The following PIBF1 variants were observed in gnomAD, a reference collection of about 807,000 sequenced individuals.
PIBF1 encodes progesterone-induced-blocking factor 1.
PIBF1 carries 90 observed loss-of-function variants against 112.5 expected under a neutral mutation model. The ratio of observed to expected loss-of-function variants is 0.80; its 90% CI spans 0.67 to 0.95. The LOEUF (loss-of-function observed/expected upper bound fraction) is 0.95. PIBF1 is among the 40% of genes least tolerant of loss of function. The pLI is 0.00. For synonymous variants in PIBF1, 301 were observed against 288.6 expected, an observed-to-expected ratio of 1.04 and a Z score of -0.44; for missense variants, 915 against 852.3, an observed-to-expected ratio of 1.07 and a Z score of -0.92.
At chr13:72,828,565 T>C (rs1391585822) in intron 8 of PIBF1, among the ~76,000 whole-genome samples, 1 of 152,168 alleles carries the variant, frequency 6.6e-6, no homozygotes, top group African/African-American at 2.4e-5. Flanking sequence ...CTGAGAATGA[T>C]GGTTTCCAGC....
intron 17 of PIBF1, among the ~76,000 whole-genome samples, chr13:73,005,751 A>G (rs1386296825): frequency 1.3e-5 from 2 of 152,096 alleles, no homozygotes; most frequent in Non-Finnish European, 2.9e-5. Context: ...CATTTTTTAT[A>G]ACACACATGG....
At chr13:72,856,298 A>G (rs2038419727) in intron 10 of PIBF1, among the ~76,000 whole-genome samples, 1 of 152,158 alleles carries the variant, frequency 6.6e-6, no homozygotes, top group South Asian at 2.1e-4. Flanking sequence ...TCACAAGTTG[A>G]TATCTTTCCA....
chr13:72,823,483 C>T (rs914688827), intron 6 of PIBF1, among the ~76,000 whole-genome samples: 1 of 152,038 alleles, frequency 6.6e-6, no homozygotes, highest in African/African-American at 2.4e-5. Context: ...AACTATGACC[C>T]TTTTTAGTTC....
chr13:72,893,957 T>G lies in PIBF1; in HGVS notation c.1488+8T>G. The G allele has an allele frequency of 6.6e-7, 1 of 1,506,870 alleles. No individual in the cohort carries two copies. The highest frequency in any genetic ancestry group is 8.9e-7 in the Non-Finnish European group (1 of 1,121,124). The allele number at this position is 1,506,870 out of a possible 1,614,324, so 93.3% of individuals were successfully genotyped here. ...TATCAGAAAAAATTGGAGGTACATG[T>G]ACAAGCTTTTCTTTCAACATTAGCA... On this transcript the variant is annotated splice_region_variant and intron_variant, in intron 11 of 17. Coordinates refer to ENST00000326291, the MANE Select transcript of PIBF1 (RefSeq NM_006346.4).
intron 17 of PIBF1, among the ~76,000 whole-genome samples, chr13:73,013,466 C>T (rs539287193): frequency 1.8e-4 from 27 of 151,206 alleles, no homozygotes; most frequent in Admixed American, 4.6e-4. Flanking sequence ...AAACAAAAAA[C>T]GAAAAACTAT....
chr13:72,866,317 G>C lies in PIBF1; in HGVS notation c.1322+12162G>C, dbSNP rs984246149. ...GGACATGGACTTCTCTTTTTTGGCA[G>C]GGTTGGGGGCACCATTCAACCTACC... On this transcript the variant is annotated intron_variant, in intron 10 of 17. Coordinates refer to ENST00000326291, the MANE Select transcript of PIBF1 (RefSeq NM_006346.4). 7.5e-4 allele frequency among the ~76,000 whole-genome samples: 114 copies of C among 152,166 alleles called. 2 individuals are homozygous for C. Among genetic ancestry groups the C allele is most frequent in the African/African-American group, 2.5e-3 (104 of 41,512 alleles).
At chr13:72,784,576 T>C (rs568119564) in intron 2 of PIBF1, among the ~76,000 whole-genome samples, 1 of 152,026 alleles carries the variant, frequency 6.6e-6, no homozygotes, top group African/African-American at 2.4e-5. Context: ...CTGAGCAACA[T>C]GGTGAGACCA....
chr13:72,790,524 TA>T (rs1485786526), intron 2 of PIBF1, among the ~76,000 whole-genome samples: 18 of 112,168 alleles, frequency 1.6e-4, no homozygotes, highest in African/African-American at 5.3e-4. Flanking sequence ...GATAGATAGA[TA>T]GATAGATAGA....
At chr13:72,990,722 C>T (rs1221478656) in intron 16 of PIBF1, among the ~76,000 whole-genome samples, 7 of 150,870 alleles carry the variant, frequency 4.6e-5, no homozygotes, top group African/African-American at 1.7e-4. Flanking sequence ...GTGGCACATG[C>T]CTGTAATCCC....
chr13:72,927,800 TAATA>T lies in PIBF1; in HGVS notation c.1731-3361_1731-3358del, dbSNP rs993149767. 2.0e-4 allele frequency among the ~76,000 whole-genome samples: 30 copies of T among 150,842 alleles called. No homozygotes were observed. The Middle Eastern group carries it at 0.01, about 52-fold the overall frequency. ...TCTTATATCCTTAATAATACAATCTTAATAAATCTGAGTATAATCTTTTAATGAA... is the reference window on the plus strand; with the variant it reads ...TCTTATATCCTTAATAATACAATCTTAATCTGAGTATAATCTTTTAATGAA... On this transcript the variant is annotated intron_variant, in intron 13 of 17. Transcript: ENST00000326291.
chr13:72,918,356 AAAGTTCTTCGAGGT>A (rs2041171260), intron 13 of PIBF1, among the ~76,000 whole-genome samples: 1 of 150,942 alleles, frequency 6.6e-6, no homozygotes, highest in South Asian at 2.1e-4. Context: ...ATCTAGATGG[AAAGTTCTTCGAGGT>A]CAGCAACTAC....
At chr13:72,958,370 A>G (rs1183025684) in intron 14 of PIBF1, among the ~76,000 whole-genome samples, 1 of 150,598 alleles carries the variant, frequency 6.6e-6, no homozygotes, top group East Asian at 2.0e-4. Flanking sequence ...GTAATGTTCT[A>G]TAGTTCTATC....
intron 2 of PIBF1, among the ~76,000 whole-genome samples, chr13:72,786,511 A>G (rs1475911701): frequency 1.3e-5 from 2 of 152,078 alleles, no homozygotes; most frequent in South Asian, 2.1e-4. Flanking sequence ...CTGTTTTTGA[A>G]GTTATCTATT....
intron 1 of PIBF1, among the ~76,000 whole-genome samples, chr13:72,782,880 G>C (rs1403898873): frequency 8.2e-6 from 1 of 122,416 alleles, no homozygotes; most frequent in Non-Finnish European, 1.8e-5. Context: ...AAGGGCGTGT[G>C]TGTGTGTGTG....
At chr13:72,956,463 C>A (rs2042448367) in intron 14 of PIBF1, among the ~76,000 whole-genome samples, 2 of 152,018 alleles carry the variant, frequency 1.3e-5, no homozygotes, top group African/African-American at 4.8e-5. Flanking sequence ...TTAATTTATT[C>A]TTCTCTCCTC....
chr13:73,007,299 GTTT>G (rs200537484), intron 17 of PIBF1, among the ~76,000 whole-genome samples: 2 of 139,774 alleles, frequency 1.4e-5, no homozygotes, highest in African/African-American at 2.6e-5. Context: ...TTTTGTTTTT[GTTT>G]TTTTTTTTTT....
intron 5 of PIBF1, among the ~76,000 whole-genome samples, chr13:72,815,220 A>T (rs952898145): frequency 4.6e-5 from 7 of 152,260 alleles, no homozygotes; most frequent in Non-Finnish European, 4.4e-5. Flanking sequence ...CCATTGTATC[A>T]AAAGAATAAT....
At chr13:72,860,840 A>G (rs775057695) in intron 10 of PIBF1, among the ~76,000 whole-genome samples, 5 of 152,200 alleles carry the variant, frequency 3.3e-5, no homozygotes, top group African/African-American at 4.8e-5. Flanking sequence ...TAAAAGACTC[A>G]TGTATGTCCC....
intron 11 of PIBF1, among the ~76,000 whole-genome samples, chr13:72,900,717 A>G (rs1158113494): frequency 6.6e-6 from 1 of 152,174 alleles, no homozygotes; most frequent in Non-Finnish European, 1.5e-5. Flanking sequence ...GAAACCCAAA[A>G]GCAATTGCAA....
Sources: allele counts gnomAD v4.1 joint callset (sites outside exome capture counted in the v4.1 genomes callset), GRCh38; gene constraint gnomAD v4.1.1; transcripts MANE v1.5; gene names NCBI Gene and HGNC (gene_info 2026-07-23, HGNC 2026-07-21).